THSD7B: variants seen among roughly 807,000 people sequenced by gnomAD.
THSD7B encodes thrombospondin type 1 domain containing 7B, also known as thrombospondin type-1 domain-containing protein 7B.
THSD7B carries 138 observed loss-of-function variants against 213.6 expected under a neutral mutation model. The ratio of observed to expected loss-of-function variants is 0.65; its 90% CI spans 0.56 to 0.74. The LOEUF is 0.74. THSD7B is among the 30% of genes least tolerant of loss of function. THSD7B has a pLI of 0.00. For synonymous variants in THSD7B, 742 were observed against 687.0 expected (o/e 1.08, Z -1.25); for missense variants, 1,931 against 1,991.5 (o/e 0.97, Z 0.58).
At position 137,405,773 on chromosome 2, in the gene THSD7B, T is replaced by G. The variant is rs765585652; in HGVS notation, c.2661T>G (p.Cys887Trp). ...WSKFTPCSTN[C>W]EATKSRRRQL... The stretch of plus-strand genomic sequence containing the variant: ...AGTTTACGCCCTGCTCCACGAACTG[T>G]GAAGCCACAAAAAGTAGGCGGCGAC... The change falls in exon 13 of 28, where the codon TGT becomes TGG. Residue 887 changes from cysteine (C) to tryptophan (W), a missense_variant. Transcript: ENST00000409968. 1 of 1,613,098 alleles carries G rather than the reference T, an allele frequency of 6.2e-7. No homozygotes were observed. The highest frequency in any genetic ancestry group is 8.5e-7 in the Non-Finnish European group (1 of 1,179,586).
At chr2:137,565,611 T>C (rs938599519) in intron 16 of THSD7B, among the ~76,000 whole-genome samples, 1 of 152,182 alleles carries the variant, frequency 6.6e-6, no homozygotes, top group Non-Finnish European at 1.5e-5. Flanking sequence ...AACACATGAA[T>C]TTTAGAGTGA....
At chr2:137,342,760 G>C (rs1381633482) in intron 12 of THSD7B, among the ~76,000 whole-genome samples, 3 of 151,422 alleles carry the variant, frequency 2.0e-5, no homozygotes, top group Non-Finnish European at 4.4e-5. Flanking sequence ...TGCTGAATTT[G>C]TCAATTTTTT....
intron 17 of THSD7B, among the ~76,000 whole-genome samples, chr2:137,585,246 C>G (rs1681694204): frequency 6.6e-6 from 1 of 151,880 alleles, no homozygotes; most frequent in Non-Finnish European, 1.5e-5. Flanking sequence ...CTTTATTAGT[C>G]TTGCTAGCAC....
At chr2:137,013,834 T>C (rs1686284334) in intron 2 of THSD7B, among the ~76,000 whole-genome samples, 1 of 152,102 alleles carries the variant, frequency 6.6e-6, no homozygotes. Flanking sequence ...AATTAGAAAT[T>C]AAGATTTTTA....
At chr2:137,359,729 C>T (rs1279714891) in intron 12 of THSD7B, among the ~76,000 whole-genome samples, 1 of 152,154 alleles carries the variant, frequency 6.6e-6, no homozygotes, top group African/African-American at 2.4e-5. Flanking sequence ...ACACATCACC[C>T]ACCAGATGCT....
intron 1 of THSD7B, among the ~76,000 whole-genome samples, chr2:136,783,068 C>A (rs769792152): frequency 6.6e-6 from 1 of 152,208 alleles, no homozygotes; most frequent in Non-Finnish European, 1.5e-5. Flanking sequence ...ATTTTCCATG[C>A]ATGCTCATCT....
At chr2:137,357,651 A>T (rs920044689) in intron 12 of THSD7B, among the ~76,000 whole-genome samples, 20 of 152,180 alleles carry the variant, frequency 1.3e-4, no homozygotes, top group African/African-American at 4.8e-4. Context: ...TGAAAAATAA[A>T]TTTGGAGAAA....
chr2:137,526,247 G>C (rs768089958), intron 15 of THSD7B, among the ~76,000 whole-genome samples: 1 of 152,056 alleles, frequency 6.6e-6, no homozygotes, highest in African/African-American at 2.4e-5. Flanking sequence ...TTTTTGAAAA[G>C]TAAAATATTA....
At chr2:137,022,222 C>T (rs1203110281) in intron 2 of THSD7B, among the ~76,000 whole-genome samples, 1 of 152,140 alleles carries the variant, frequency 6.6e-6, no homozygotes, top group African/African-American at 2.4e-5. Flanking sequence ...GCAATTAGTG[C>T]ATTGTATGAT....
rs186157573 is a variant in THSD7B, at chr2:137,502,389, G to C, written c.3138+51366G>C. Reference sequence around the variant, plus strand: ...AGAAAGAGAGAGAGACAGATACAGAGATAGGAACAGATGGATAGAAAAAGA... The same window carrying C: ...AGAAAGAGAGAGAGACAGATACAGACATAGGAACAGATGGATAGAAAAAGA... On this transcript the variant is annotated intron_variant, in intron 15 of 27. Coordinates refer to ENST00000409968, the MANE Select transcript of THSD7B (RefSeq NM_001316349.2). Among the ~76,000 whole-genome samples, 923 of 152,186 alleles carry C rather than the reference G, an allele frequency of 6.1e-3. 2 individuals are homozygous for C. Among genetic ancestry groups the C allele is most frequent in the Non-Finnish European group, 9.8e-3 (666 of 68,000 alleles).
At chr2:137,073,026 T>C (rs897011605) in intron 3 of THSD7B, among the ~76,000 whole-genome samples, 1 of 152,168 alleles carries the variant, frequency 6.6e-6, no homozygotes, top group Non-Finnish European at 1.5e-5. Flanking sequence ...TTGAGGATTT[T>C]TGCATCAATG....
chr2:137,066,673 AT>A (rs1462915954), intron 3 of THSD7B, among the ~76,000 whole-genome samples: 1 of 151,900 alleles, frequency 6.6e-6, no homozygotes, highest in Non-Finnish European at 1.5e-5. Flanking sequence ...TTGGACGTGG[AT>A]ATTTTTGGTA....
At chr2:137,072,560 T>C (rs62171237) in intron 3 of THSD7B, among the ~76,000 whole-genome samples, 13,355 of 152,230 alleles carry the variant, frequency 0.088, 722 homozygotes, top group East Asian at 0.18. Flanking sequence ...TAGGGACAAT[T>C]TGACTTCCTC....
chr2:137,348,443 G>A (rs1423240928), intron 12 of THSD7B, among the ~76,000 whole-genome samples: 2 of 151,608 alleles, frequency 1.3e-5, no homozygotes, highest in East Asian at 3.9e-4. Flanking sequence ...CATTTTGTTG[G>A]CCTTTTATCA....
intron 5 of THSD7B, among the ~76,000 whole-genome samples, chr2:137,151,143 AAATT>A (rs2104974750): frequency 6.6e-6 from 1 of 152,300 alleles, no homozygotes; most frequent in East Asian, 1.9e-4. Context: ...TTTCAATAAT[AAATT>A]AATCTTAGCT....
At chr2:137,366,062 T>C (rs1161714440) in intron 12 of THSD7B, among the ~76,000 whole-genome samples, 6 of 147,274 alleles carry the variant, frequency 4.1e-5, no homozygotes, top group Non-Finnish European at 9.1e-5. Flanking sequence ...TATGCAGCCA[T>C]AAAAAAGGAC....
In THSD7B at chr2:137,656,961, C is replaced by G; in HGVS notation, c.4271C>G (p.Pro1424Arg). The G allele has an allele frequency of 6.2e-7, 1 of 1,613,884 alleles. No individual in the cohort carries two copies. The highest frequency in any genetic ancestry group is 2.2e-5 in the East Asian group (1 of 44,884). The change falls in exon 23 of 28, where the codon CCT (proline) becomes CGT (arginine). Residue 1424 changes from proline to arginine, a missense_variant. By Grantham distance (103) the Pro-to-Arg change is moderately radical. Transcript: ENST00000409968. Reference sequence around the variant, plus strand: ...CCCCAACAGGTTCTAGAAACACGCCCTTGTACAGGTACCAAGAGCACTTTT... The same window carrying G: ...CCCCAACAGGTTCTAGAAACACGCCGTTGTACAGGTACCAAGAGCACTTTT... Reference protein sequence around the residue: ...SCPQQVLETRPCTGGKCYHYT... With the variant: ...SCPQQVLETRRCTGGKCYHYT...
At chr2:137,131,923 A>G (rs1688739962) in intron 5 of THSD7B, among the ~76,000 whole-genome samples, 2 of 152,028 alleles carry the variant, frequency 1.3e-5, no homozygotes, top group South Asian at 2.1e-4. Context: ...GAAGAAAGTC[A>G]TTAGTAGCTT....
chr2:137,627,969 G>A (rs546257438), intron 20 of THSD7B, among the ~76,000 whole-genome samples: 2 of 152,298 alleles, frequency 1.3e-5, no homozygotes, highest in African/African-American at 4.8e-5. Context: ...AAATGTAGCT[G>A]TTTAAGCAAT....
Sources: allele counts gnomAD v4.1 joint callset (sites outside exome capture counted in the v4.1 genomes callset), GRCh38; gene constraint gnomAD v4.1.1; transcripts MANE v1.5; gene names NCBI Gene and HGNC (gene_info 2026-07-23, HGNC 2026-07-21).